Variants in AFF3 observed in about 807,000 individuals in gnomAD.
The protein encoded by AFF3 is AF4/FMR2 family member 3.
In AFF3, 32 loss-of-function variants were observed where a neutral mutation model predicts 129.7. The ratio of observed to expected loss-of-function variants is 0.25; its 90% confidence interval spans 0.19 to 0.33. The LOEUF is 0.33. Among genes scored for constraint, AFF3 ranks in the 10% least tolerant of loss-of-function variants. The pLI is 1.00. For synonymous variants in AFF3, 644 were observed against 635.4 expected (o/e 1.01, Z -0.20); for missense variants, 1,373 against 1,592.0 (o/e 0.86, Z 2.34).
At chr2:100,058,390 G>A (rs1686976804) in intron 4 of AFF3, among the ~76,000 whole-genome samples, 1 of 151,646 alleles carries the variant, frequency 6.6e-6, no homozygotes. Flanking sequence ...AAAAATAAAA[G>A]GACATCATGA....
chr2:99,984,919 A>G (rs969843598), intron 7 of AFF3, among the ~76,000 whole-genome samples: 25 of 152,252 alleles, frequency 1.6e-4, no homozygotes, highest in African/African-American at 4.6e-4. Flanking sequence ...ACAAATTGCA[A>G]CCTCTCACAA....
intron 7 of AFF3, among the ~76,000 whole-genome samples, chr2:99,996,627 G>A (rs571700900): frequency 2.1e-4 from 31 of 147,286 alleles, no homozygotes; most frequent in Non-Finnish European, 3.1e-4. Flanking sequence ...TGATCCGCCC[G>A]CCTCAGCCTC....
intron 4 of AFF3, among the ~76,000 whole-genome samples, chr2:100,038,234 A>G (rs1685134243): frequency 6.6e-6 from 1 of 152,032 alleles, no homozygotes; most frequent in South Asian, 2.1e-4. Context: ...CCGCTTCCCC[A>G]CCACTCTAAG....
intron 4 of AFF3, among the ~76,000 whole-genome samples, chr2:100,023,564 A>G (rs952858599): frequency 6.6e-6 from 1 of 152,192 alleles, no homozygotes; most frequent in Admixed American, 6.5e-5. Flanking sequence ...ATTAAACAAG[A>G]AGAATACTTC....
chr2:99,896,582 A>AGAT (rs373753899), intron 7 of AFF3, among the ~76,000 whole-genome samples: 328 of 139,848 alleles, frequency 2.3e-3, no homozygotes, highest in African/African-American at 8.3e-3. Context: ...TTTCTAGTCA[A>AGAT]GATGTTTCAT....
chr2:99,845,999 A>AT (rs1210582627), intron 7 of AFF3, among the ~76,000 whole-genome samples: 1 of 146,996 alleles, frequency 6.8e-6, no homozygotes. Flanking sequence ...CACCCGGCTA[A>AT]TTTTTTGTAT....
chr2:99,841,006 T>C (rs1455249476), intron 7 of AFF3, among the ~76,000 whole-genome samples: 2 of 152,208 alleles, frequency 1.3e-5, no homozygotes, highest in African/African-American at 4.8e-5. Flanking sequence ...TCAATGTGCT[T>C]TCTGTTTTCT....
chr2:99,599,770 C>T (rs1418980491), intron 14 of AFF3, among the ~76,000 whole-genome samples: 1 of 152,190 alleles, frequency 6.6e-6, no homozygotes, highest in Non-Finnish European at 1.5e-5. Context: ...TTTCTTATAA[C>T]TAAATATTCC....
intron 11 of AFF3, among the ~76,000 whole-genome samples, chr2:99,710,174 T>A (rs918212906): frequency 1.3e-5 from 2 of 152,242 alleles, no homozygotes; most frequent in Non-Finnish European, 2.9e-5. Context: ...CTTACACTTA[T>A]TGTCCCTGCA....
At chr2:99,817,445 C>T (rs532967370) in intron 8 of AFF3, among the ~76,000 whole-genome samples, 2 of 152,290 alleles carry the variant, frequency 1.3e-5, no homozygotes, top group East Asian at 3.9e-4. Context: ...TTCAGATCTC[C>T]CAAAGGAGTT....
chr2:99,728,248 T>TG (rs1328985897), intron 10 of AFF3, among the ~76,000 whole-genome samples: 1 of 152,234 alleles, frequency 6.6e-6, no homozygotes, highest in Non-Finnish European at 1.5e-5. Context: ...ACTGAGAGCG[T>TG]GGGCTCGTGT....
chr2:99,924,740 A>G (rs1403560376), intron 7 of AFF3, among the ~76,000 whole-genome samples: 1 of 152,200 alleles, frequency 6.6e-6, no homozygotes, highest in African/African-American at 2.4e-5. Flanking sequence ...TCGATCTGGA[A>G]AAACCGACAT....
intron 7 of AFF3, among the ~76,000 whole-genome samples, chr2:99,997,742 T>G (rs1204220659): frequency 1.3e-5 from 2 of 152,172 alleles, no homozygotes; most frequent in Non-Finnish European, 2.9e-5. Context: ...TGCTGTCTTG[T>G]TGCTATCCCA....
chr2:99,971,089 C>T (rs972583767), intron 7 of AFF3, among the ~76,000 whole-genome samples: 3 of 152,188 alleles, frequency 2.0e-5, no homozygotes, highest in Admixed American at 6.5e-5. Flanking sequence ...CTCTAAATAA[C>T]TCTTTTTATT....
chr2:99,690,387 T>C (rs896763095), intron 11 of AFF3, among the ~76,000 whole-genome samples: 1 of 151,710 alleles, frequency 6.6e-6, no homozygotes, highest in South Asian at 2.1e-4. Flanking sequence ...TTCACCGTGT[T>C]AGCCAGGATG....
chr2:100,021,512 A>C (rs1348294323), intron 4 of AFF3, among the ~76,000 whole-genome samples: 1 of 152,210 alleles, frequency 6.6e-6, no homozygotes. Context: ...CCTGAGTCCT[A>C]CATTTTATTT....
intron 7 of AFF3, among the ~76,000 whole-genome samples, chr2:99,940,563 T>C (rs1317890824): frequency 6.6e-6 from 1 of 152,166 alleles, no homozygotes; most frequent in Non-Finnish European, 1.5e-5. Flanking sequence ...ACCAGCACCA[T>C]GACAGTTTAC....
At chr2:99,888,099 AAT>A (rs1415897561) in intron 7 of AFF3, among the ~76,000 whole-genome samples, 3 of 152,230 alleles carry the variant, frequency 2.0e-5, no homozygotes, top group African/African-American at 7.2e-5. Context: ...AAATGAGCCT[AAT>A]AGTCACAATA....
intron 8 of AFF3, among the ~76,000 whole-genome samples, chr2:99,754,029 A>G (rs1681887198): frequency 6.6e-6 from 1 of 152,078 alleles, no homozygotes; most frequent in Non-Finnish European, 1.5e-5. Flanking sequence ...CTTGTCTAGG[A>G]CCTGGTCAGC....
Sources: allele counts gnomAD v4.1 joint callset (sites outside exome capture counted in the v4.1 genomes callset), GRCh38; gene constraint gnomAD v4.1.1; transcripts MANE v1.5; gene names NCBI Gene and HGNC (gene_info 2026-07-23, HGNC 2026-07-21).